NPFFR2: variants seen among roughly 807,000 people sequenced by gnomAD.
NPFFR2 encodes G-protein coupled receptor 74.
NPFFR2 carries 15 observed loss-of-function variants against 13.1 expected under a neutral mutation model. That is an observed-to-expected ratio of 1.15 (90% CI 0.77 to 1.76). The LOEUF (loss-of-function observed/expected upper bound fraction) is 1.76, where lower values mean the gene tolerates loss of function less well. Among genes scored for constraint, NPFFR2 ranks in the 40% most tolerant of loss-of-function variants. The probability of loss-of-function intolerance (pLI) is 0.00; values close to 1 mark genes in which losing one functional copy is unlikely to be tolerated. For synonymous variants in NPFFR2, 190 were observed against 175.7 expected, an observed-to-expected ratio of 1.08 and a Z score of -0.65; for missense variants, 572 against 503.5, an observed-to-expected ratio of 1.14 and a Z score of -1.30.
chr4:72,094,478 G>A (rs183713015), intron 1 of NPFFR2, among the ~76,000 whole-genome samples: 2 of 152,260 alleles, frequency 1.3e-5, no homozygotes, highest in Non-Finnish European at 2.9e-5. Context: ...TCAGTGGAGG[G>A]CAGGGTTAGG....
At chr4:72,058,564 A>G (rs1272896492) in intron 1 of NPFFR2, among the ~76,000 whole-genome samples, 1 of 151,966 alleles carries the variant, frequency 6.6e-6, no homozygotes, top group African/African-American at 2.4e-5. Flanking sequence ...AGCAGTGAAT[A>G]TTTAGAGGAT....
intron 3 of NPFFR2, chr4:72,146,681 C>T (rs145351829): frequency 5.0e-4 from 149 of 298,216 alleles, no homozygotes; most frequent in Non-Finnish European, 1.0e-4. Flanking sequence ...CTTAAAGAGA[C>T]GGTCCATGCA....
chr4:72,070,458 C>G (rs557967124), intron 1 of NPFFR2, among the ~76,000 whole-genome samples: 56 of 151,706 alleles, frequency 3.7e-4, no homozygotes, highest in African/African-American at 1.4e-3. Flanking sequence ...GAAAATTATC[C>G]TTGGCTACAA....
chr4:72,122,275 G>C (rs1393609889), intron 1 of NPFFR2, among the ~76,000 whole-genome samples: 1 of 152,132 alleles, frequency 6.6e-6, no homozygotes, highest in East Asian at 1.9e-4. Flanking sequence ...CACCTACAAA[G>C]AGACTTAGAC....
At chr4:72,107,282 G>A (rs948131802) in intron 1 of NPFFR2, among the ~76,000 whole-genome samples, 4 of 150,458 alleles carry the variant, frequency 2.7e-5, no homozygotes, top group Non-Finnish European at 4.4e-5. Context: ...ATAAAAGTTA[G>A]CATAAAATTA....
chr4:72,064,889 T>A (rs1482975577), intron 1 of NPFFR2, among the ~76,000 whole-genome samples: 3 of 152,142 alleles, frequency 2.0e-5, no homozygotes, highest in Non-Finnish European at 2.9e-5. Flanking sequence ...GAGCTTCGAA[T>A]GCCCACGTGG....
chr4:72,063,347 G>A (rs1719973445), intron 1 of NPFFR2, among the ~76,000 whole-genome samples: 1 of 152,134 alleles, frequency 6.6e-6, no homozygotes, highest in Non-Finnish European at 1.5e-5. Flanking sequence ...CTTGCATTTT[G>A]CATTCTACAC....
Position 72,099,127 on chromosome 4 carries a change from C to T in NPFFR2, c.-7-29458C>T, listed in dbSNP as rs566749488. On this transcript the variant is annotated intron_variant, in intron 1 of 3. Transcript: ENST00000308744. ...ACTATACTCCAAGATGTTTTCCTGA[C>T]GTGTCATTAAATTACAAGTATAAAA... is the stretch of plus-strand genomic sequence containing the variant. Among the ~76,000 whole-genome samples the T allele has an allele frequency of 1.2e-3, 179 of 152,198 alleles. 1 individual carries two copies. The highest frequency in any genetic ancestry group is 3.7e-3 in the African/African-American group (155 of 41,548).
At chr4:72,039,098 G>C (rs1190163662) in intron 1 of NPFFR2, 1 of 151,370 alleles carries the variant, frequency 6.6e-6, no homozygotes, top group Non-Finnish European at 1.5e-5. Flanking sequence ...TCGCTCTGTC[G>C]CCCAGGCTGG....
intron 1 of NPFFR2, among the ~76,000 whole-genome samples, chr4:72,114,556 C>T (rs1022346577): frequency 2.0e-5 from 3 of 152,030 alleles, no homozygotes; most frequent in South Asian, 2.1e-4. Context: ...TAGATCCTGT[C>T]GTTCTTTGTT....
intron 1 of NPFFR2, among the ~76,000 whole-genome samples, chr4:72,067,437 G>A (rs951194712): frequency 9.9e-5 from 15 of 152,068 alleles, no homozygotes; most frequent in African/African-American, 2.7e-4. Context: ...CTTCAGTGTC[G>A]TGCTCCCATT....
At chr4:72,122,449 G>A (rs551374101) in intron 1 of NPFFR2, among the ~76,000 whole-genome samples, 20 of 152,170 alleles carry the variant, frequency 1.3e-4, no homozygotes, top group African/African-American at 3.6e-4. Flanking sequence ...GAGACTATAC[G>A]TTCTTCTCAG....
At chr4:72,044,160 T>TAA (rs1361743527) in intron 1 of NPFFR2, among the ~76,000 whole-genome samples, 1 of 152,162 alleles carries the variant, frequency 6.6e-6, no homozygotes, top group Non-Finnish European at 1.5e-5. Context: ...ACCATGATTG[T>TAA]AAGTTTCCTG....
intron 2 of NPFFR2, 57 bp downstream of exon 2, chr4:72,128,976 G>A: frequency 7.9e-7 from 1 of 1,267,052 alleles, no homozygotes; most frequent in Non-Finnish European, 1.1e-6. Flanking sequence ...CCATATTTCA[G>A]CAGCCATTGG....
At chr4:72,144,286 C>T (rs1454845786) in intron 3 of NPFFR2, among the ~76,000 whole-genome samples, 1 of 152,118 alleles carries the variant, frequency 6.6e-6, no homozygotes, top group African/African-American at 2.4e-5. Flanking sequence ...TCTTATATGT[C>T]AGTTCAGGGC....
At position 72,141,900 on chromosome 4, in the gene NPFFR2, A is replaced by C. The variant is rs577573133; in HGVS notation, c.428+3761A>C. Among the ~76,000 whole-genome samples the C allele has an allele frequency of 2.2e-3, 335 of 152,046 alleles. 1 individual carries two copies. The highest frequency in any genetic ancestry group is 3.7e-3 in the Non-Finnish European group (253 of 67,948). ...TATTATTGTGTGGGAGTCTAAGTCT[A>C]TTTGTAGGTCTCTAAGGACTTGCTT... On this transcript the variant is annotated intron_variant, in intron 3 of 3. Coordinates refer to ENST00000308744, the MANE Select transcript of NPFFR2 (RefSeq NM_004885.3).
intron 1 of NPFFR2, among the ~76,000 whole-genome samples, chr4:72,094,602 G>A (rs1721006873): frequency 6.6e-6 from 1 of 152,154 alleles, no homozygotes; most frequent in African/African-American, 2.4e-5. Context: ...CAGGGAAGTA[G>A]GGGAAAGCCG....
At chr4:72,058,075 G>T (rs58226773) in intron 1 of NPFFR2, among the ~76,000 whole-genome samples, 9,235 of 151,932 alleles carry the variant, frequency 0.061, 866 homozygotes, top group East Asian at 0.47. Flanking sequence ...AAAAGACATT[G>T]CCAGGAGGTA....
intron 1 of NPFFR2, among the ~76,000 whole-genome samples, chr4:72,102,350 T>C (rs1309588326): frequency 1.3e-5 from 2 of 152,072 alleles, no homozygotes; most frequent in East Asian, 3.9e-4. Flanking sequence ...ATATGGCAAC[T>C]TAATATACAG....
Sources: allele counts gnomAD v4.1 joint callset (sites outside exome capture counted in the v4.1 genomes callset), GRCh38; gene constraint gnomAD v4.1.1; transcripts MANE v1.5; gene names NCBI Gene and HGNC (gene_info 2026-07-23, HGNC 2026-07-21).